The following NUSAP1 variants were observed in gnomAD, a reference collection of about 807,000 sequenced individuals.
NUSAP1 encodes the protein nucleolar and spindle-associated protein 1.
NUSAP1 carries 32 observed loss-of-function variants against 52.8 expected under a neutral mutation model. That is an observed-to-expected ratio of 0.61 (90% CI 0.46 to 0.81). The LOEUF (loss-of-function observed/expected upper bound fraction) is 0.81. Among genes scored for constraint, NUSAP1 ranks in the 40% least tolerant of loss-of-function variants. The pLI, the probability that NUSAP1 is intolerant of heterozygous loss-of-function variation, is 0.00. For synonymous variants in NUSAP1, 195 were observed against 183.1 expected (o/e 1.06, Z -0.52); for missense variants, 499 against 522.3 (o/e 0.96, Z 0.43).
rs1194843422 is a variant in NUSAP1 at position 41,377,209 on chromosome 15, A to G, written c.1137A>G (p.Pro379=). The change falls in exon 10 of 11, where the codon CCA becomes CCG. Residue 379 remains proline, a synonymous_variant. Transcript: ENST00000559596. ...NYEPHKGKLK[P]WGQSKENNYL... Reference sequence around the variant, plus strand: ...GTCCTAAACTAGGAAAGCTAAAACCATGGGGGCAATCTAAAGAAAATAATT... The same window carrying G: ...GTCCTAAACTAGGAAAGCTAAAACCGTGGGGGCAATCTAAAGAAAATAATT... 6.0e-6 allele frequency: 9 copies of G among 1,510,220 alleles called. No individual in the cohort carries two copies. Among genetic ancestry groups the G allele is most frequent in the Non-Finnish European group, 8.0e-6 (9 of 1,120,248 alleles). The allele number at this position is 1,510,220 out of a possible 1,614,324, so 93.6% of individuals were successfully genotyped here.
chr15:41,373,219 C>T (rs1256935221), intron 8 of NUSAP1, among the ~76,000 whole-genome samples: 1 of 151,890 alleles, frequency 6.6e-6, no homozygotes, highest in South Asian at 2.1e-4. Flanking sequence ...CATGGCAAAA[C>T]CTCGTCTCTA....
At chr15:41,357,588 C>A (rs561413361) in intron 5 of NUSAP1, among the ~76,000 whole-genome samples, 2 of 151,650 alleles carry the variant, frequency 1.3e-5, no homozygotes, top group East Asian at 3.9e-4. Flanking sequence ...GGATTACAGG[C>A]GTGCGCCACC....
chr15:41,377,706 A>G (rs2050010785), intron 10 of NUSAP1, among the ~76,000 whole-genome samples: 1 of 141,566 alleles, frequency 7.1e-6, no homozygotes, highest in Non-Finnish European at 1.5e-5. Context: ...CTCAAAAAAA[A>G]AAAAAGTGGT....
chr15:41,362,422 T>C (rs2049212582), intron 6 of NUSAP1, among the ~76,000 whole-genome samples: 1 of 147,104 alleles, frequency 6.8e-6, no homozygotes, highest in Non-Finnish European at 1.5e-5. Context: ...TGTTTATCTT[T>C]TTTTTTTTTT....
At chr15:41,347,531 C>T (rs1429679173) in intron 2 of NUSAP1, among the ~76,000 whole-genome samples, 1 of 151,810 alleles carries the variant, frequency 6.6e-6, no homozygotes, top group Non-Finnish European at 1.5e-5. Flanking sequence ...TATGAATAGA[C>T]ATGGCCGGGT....
At chr15:41,363,062 G>A (rs2049242980) in intron 6 of NUSAP1, among the ~76,000 whole-genome samples, 1 of 151,864 alleles carries the variant, frequency 6.6e-6, no homozygotes, top group South Asian at 2.1e-4. Context: ...TGAGGTGGGT[G>A]GATCACCTGA....
chr15:41,344,685 A>G (rs1358013070), intron 2 of NUSAP1, among the ~76,000 whole-genome samples: 3 of 152,042 alleles, frequency 2.0e-5, no homozygotes, highest in African/African-American at 7.2e-5. Context: ...TCACGTCTGT[A>G]ATACCAGCAC....
intron 6 of NUSAP1, among the ~76,000 whole-genome samples, chr15:41,359,713 C>T (rs1233587410): frequency 1.3e-5 from 2 of 151,520 alleles, no homozygotes; most frequent in South Asian, 2.1e-4. Flanking sequence ...CTCACTGCAA[C>T]CTCTGCCTCC....
intron 4 of NUSAP1, among the ~76,000 whole-genome samples, chr15:41,354,460 G>A (rs1472279916): frequency 2.0e-5 from 3 of 151,630 alleles, no homozygotes; most frequent in Non-Finnish European, 2.9e-5. Flanking sequence ...AGCCAAGATC[G>A]CGCCACTGCA....
Position 41,358,212 on chromosome 15 carries a change from GA to G in NUSAP1, c.620del (p.Lys207ArgfsTer10). The part of the protein sequence containing the change: ...EMESIDQYIE[R>X]KKKHFEEHNS... Reference sequence around the variant, plus strand: ...GAGTCCATTGATCAATATATTGAGAGAAAAAAGAAACATTTTGAAGAACACA... The same window carrying G: ...GAGTCCATTGATCAATATATTGAGAGAAAAAGAAACATTTTGAAGAACACA... On this transcript the variant is annotated frameshift_variant, in exon 6 of 11. Transcript: ENST00000559596. LOFTEE classifies it high-confidence loss of function. 2 of 1,577,202 alleles carry G rather than the reference GA, an allele frequency of 1.3e-6. No homozygotes were observed. Among genetic ancestry groups the G allele is most frequent in the Non-Finnish European group, 1.7e-6 (2 of 1,151,200 alleles).
Position 41,375,827 on chromosome 15 carries a change from A to C in NUSAP1, c.1122A>C (p.Lys374Asn), listed in dbSNP as rs748934798. Reference sequence around the variant, plus strand: ...GTCCCCTCAACTATGAACCACACAAAGGTATGTGGGAGTGTTTTGAGCTAC... The same window carrying C: ...GTCCCCTCAACTATGAACCACACAACGGTATGTGGGAGTGTTTTGAGCTAC... ...LSRPLNYEPH[K>N]GKLKPWGQSK... The change falls in exon 9 of 11, where the codon AAA becomes AAC. Residue 374 changes from lysine to asparagine, a missense_variant and splice_region_variant. Physicochemically the swap from Lys to Asn is moderately conservative, Grantham distance 94 (BLOSUM62 0). Coordinates refer to ENST00000559596, the MANE Select transcript of NUSAP1 (RefSeq NM_016359.5). 1.6e-5 allele frequency: 26 copies of C among 1,594,148 alleles called. No homozygotes were observed. The highest frequency in any genetic ancestry group is 2.2e-5 in the Non-Finnish European group (25 of 1,161,926).
chr15:41,343,310 A>C (rs898697632), intron 2 of NUSAP1: 2 of 152,186 alleles, frequency 1.3e-5, no homozygotes, highest in African/African-American at 4.8e-5. Flanking sequence ...CATGACTCCT[A>C]AACGGATGAA....
At chr15:41,344,125 G>A (rs2048467020) in intron 2 of NUSAP1, 1 of 148,968 alleles carries the variant, frequency 6.7e-6, no homozygotes, top group African/African-American at 2.5e-5. Context: ...GCTGAGGCAG[G>A]AGAATCACTT....
At chr15:41,379,471 CTG>C (rs2050123339) in intron 10 of NUSAP1, among the ~76,000 whole-genome samples, 1 of 152,084 alleles carries the variant, frequency 6.6e-6, no homozygotes, top group Non-Finnish European at 1.5e-5. Flanking sequence ...CTAAAGCAAA[CTG>C]TAAAATAACA....
rs1323341823 is a variant in NUSAP1 at position 41,365,555 on chromosome 15, C to T, written c.814C>T (p.Arg272Cys). The stretch of plus-strand genomic sequence containing the variant: ...CTTGGGTCTGAAGGGGTCACTCAAG[C>T]GCTCTGCTATCTCTGCAGCTAAAAC... ...STLGLKGSLK[R>C]SAISAAKTGV... The change falls in exon 7 of 11, where the codon CGC (arginine) becomes TGC (cysteine). Residue 272 changes from arginine (R) to cysteine (C), a missense_variant. Physicochemically the swap from Arg to Cys is radical, Grantham distance 180. Transcript: ENST00000559596. 8 of 1,611,076 alleles carry T rather than the reference C, an allele frequency of 5.0e-6. No homozygotes were observed. In the South Asian group the frequency reaches 5.5e-5, roughly 11 times the overall value.
At position 41,349,164 on chromosome 15, in the gene NUSAP1, G is replaced by A; in HGVS notation, c.229G>A (p.Ala77Thr). The stretch of plus-strand genomic sequence containing the variant: ...GATACAGATCAGCAACCAGGAAGAA[G>A]CTGAGAGACAGCCACTTGGCCATGT... ...TEIQISNQEEAERQPLGHVTK... is the reference protein window; with the variant it reads ...TEIQISNQEETERQPLGHVTK... Residue 77 changes from alanine to threonine, a missense_variant, in exon 3 of 11, where the codon GCT becomes ACT. By Grantham distance (58) the Ala-to-Thr change is moderately conservative. Coordinates refer to ENST00000559596, the MANE Select transcript of NUSAP1 (RefSeq NM_016359.5). The A allele has an allele frequency of 6.2e-7, 1 of 1,613,952 alleles. No homozygotes were observed. The highest frequency in any genetic ancestry group is 8.5e-7 in the Non-Finnish European group (1 of 1,179,834).
chr15:41,333,991 A>G (rs1398355732), intron 1 of NUSAP1, among the ~76,000 whole-genome samples: 2 of 152,196 alleles, frequency 1.3e-5, no homozygotes, highest in African/African-American at 4.8e-5. Context: ...GGTTTTATAT[A>G]TTTTGTTAAT....
intron 1 of NUSAP1, among the ~76,000 whole-genome samples, chr15:41,333,765 G>A (rs757853145): frequency 5.9e-5 from 9 of 152,242 alleles, no homozygotes; most frequent in Admixed American, 2.0e-4. Flanking sequence ...GGTGGCACAC[G>A]CCTGTGATCC....
intron 2 of NUSAP1, chr15:41,345,607 G>GCC (rs2048537050): frequency 3.9e-5 from 12 of 311,186 alleles, no homozygotes; most frequent in South Asian, 2.4e-5. Context: ...TTACAGGCAT[G>GCC]CGCCACCACA....
Sources: gnomAD v4.1 joint callset for allele counts (sites outside exome capture counted in the v4.1 genomes callset) on GRCh38, gnomAD v4.1.1 for gene constraint, MANE v1.5 for transcripts, NCBI Gene and HGNC (gene_info 2026-07-23, HGNC 2026-07-21) for gene names.